The following GSK3A variants were observed in gnomAD, a reference collection of about 807,000 sequenced individuals.
The protein encoded by GSK3A is glycogen synthase kinase 3 alpha, also known as glycogen synthase kinase-3 alpha.
A neutral mutation model predicts 56.6 loss-of-function variants in GSK3A; 14 were observed. The ratio of observed to expected loss-of-function variants is 0.25; its 90% CI spans 0.16 to 0.39. The LOEUF (loss-of-function observed/expected upper bound fraction) is 0.39, where lower values mean the gene tolerates loss of function less well. Ranked by LOEUF, GSK3A falls within the 10% of genes least tolerant of loss-of-function variation. The pLI, the probability that GSK3A is intolerant of heterozygous loss-of-function variation, is 1.00. For missense variants in GSK3A, 450 were observed against 656.0 expected, an observed-to-expected ratio of 0.69 and a Z score of 3.43; for synonymous variants, 301 against 285.0, an observed-to-expected ratio of 1.06 and a Z score of -0.56.
chr19:42,242,487 C>A lies in GSK3A; in HGVS notation c.-22G>T. 1 of 1,140,210 alleles carries A rather than the reference C, an allele frequency of 8.8e-7. No homozygotes were observed. Among genetic ancestry groups the A allele is most frequent in the Non-Finnish European group, 1.1e-6 (1 of 932,808 alleles). 70.6% of individuals were successfully genotyped at this position (1,140,210 alleles called of 1,614,324 possible). A position where few individuals can be genotyped will look rare whatever the true frequency, so the allele number is the denominator to read the frequency against. ...TCATGGCGCCGAGCACAGGCCCAGG[C>A]TGCGGGGCTCGGGCTGCCCGGGCTG... On this transcript the variant is annotated 5_prime_UTR_variant, in exon 1 of 11. Coordinates refer to ENST00000222330, the MANE Select transcript of GSK3A (RefSeq NM_019884.3).
Position 42,242,479 on chromosome 19 carries a change from G to C in GSK3A, c.-14C>G. The C allele has an allele frequency of 8.6e-7, 1 of 1,162,570 alleles. No individual in the cohort carries two copies. Among genetic ancestry groups the C allele is most frequent in the Non-Finnish European group, 1.1e-6 (1 of 946,856 alleles). The allele number at this position is 1,162,570 out of a possible 1,614,324, so 72.0% of individuals were successfully genotyped here. ...GCCGCCGCTCATGGCGCCGAGCACAGGCCCAGGCTGCGGGGCTCGGGCTGC... is the reference window on the plus strand; with the variant it reads ...GCCGCCGCTCATGGCGCCGAGCACACGCCCAGGCTGCGGGGCTCGGGCTGC... On this transcript the variant is annotated 5_prime_UTR_variant, in exon 1 of 11. Coordinates refer to ENST00000222330, the MANE Select transcript of GSK3A (RefSeq NM_019884.3).
chr19:42,234,818 C>T lies in GSK3A; in HGVS notation c.667-140G>A. The T allele has an allele frequency of 9.5e-6, 8 of 845,998 alleles. No individual in the cohort carries two copies. In the South Asian group the frequency reaches 1.6e-4, roughly 17 times the overall value. The allele number at this position is 845,998 out of a possible 1,614,324, so 52.4% of individuals were successfully genotyped here. A position where few individuals can be genotyped will look rare whatever the true frequency, so the allele number is the denominator to read the frequency against. The stretch of plus-strand genomic sequence containing the variant: ...AGCTTTGGGGAAACCCATTTGAAAC[C>T]TTGGTTCTCTTAATGTGCACCACAA... On this transcript the variant is annotated intron_variant, in intron 4 of 10. Transcript: ENST00000222330. The surrounding 1 kb of genome is among the most constrained non-coding windows in gnomAD (Gnocchi z 5.7).
chr19:42,237,054 A>G, intron 2 of GSK3A, 113 bp from the exon 3 acceptor site: 2 of 763,132 alleles, frequency 2.6e-6, no homozygotes, highest in Non-Finnish European at 2.4e-6. Context: ...CCCAGCTCCA[A>G]GGTCCCCTGG....
Position 42,232,099 on chromosome 19 carries a change from T to G in GSK3A, c.1336A>C (p.Arg446=). The G allele has an allele frequency of 6.2e-7, 1 of 1,609,542 alleles. No individual in the cohort carries two copies. The highest frequency in any genetic ancestry group is 8.5e-7 in the Non-Finnish European group (1 of 1,177,170). The part of the protein sequence containing the change: ...LNAILIPPHL[R]SPAGTTTLTP... ...AGGGTGGTAGTGCCCGCTGGGGACCTCAAGTGAGGAGGGATGAGAATGGCG... is the reference window on the plus strand; with the variant it reads ...AGGGTGGTAGTGCCCGCTGGGGACCGCAAGTGAGGAGGGATGAGAATGGCG... The change falls in exon 10 of 11, where the codon AGG becomes CGG. Residue 446 remains arginine, a synonymous_variant. Transcript: ENST00000222330.
chr19:42,234,319 G>A lies in GSK3A; in HGVS notation c.904+34C>T, dbSNP rs976079367. On this transcript the variant is annotated intron_variant, in intron 6 of 10. Coordinates refer to ENST00000222330, the MANE Select transcript of GSK3A (RefSeq NM_019884.3). The surrounding 1 kb of genome is among the most constrained non-coding windows in gnomAD (Gnocchi z 5.7). ...AGAAAACTCCAAAACTTCCCAGATT[G>A]CCACTCCCCCCGCCACCCTCCCATA... 2.7e-6 allele frequency: 4 copies of A among 1,506,142 alleles called. No individual in the cohort carries two copies. The allele number at this position is 1,506,142 out of a possible 1,614,324, so 93.3% of individuals were successfully genotyped here.
chr19:42,235,938 C>G (rs566362745), intron 4 of GSK3A, among the ~76,000 whole-genome samples: 1 of 152,326 alleles, frequency 6.6e-6, no homozygotes, highest in Admixed American at 6.5e-5. Context: ...CTCACCCGTG[C>G]TTGGTACGTA....
chr19:42,242,304 C>A lies in GSK3A; in HGVS notation c.162G>T (p.Gly54=). ...GGTGGGKASV[G]AMGGGVGASS... ...AGGCCCCGACGCCCCCACCCATGGC[C>A]CCGACAGATGCCTTTCCGCCGCCGG... Residue 54 remains glycine (G), a synonymous_variant, in exon 1 of 11, where the codon GGG becomes GGT. Transcript: ENST00000222330. 1 of 1,443,118 alleles carries A rather than the reference C, an allele frequency of 6.9e-7. No individual in the cohort carries two copies. Among genetic ancestry groups the A allele is most frequent in the Non-Finnish European group, 9.1e-7 (1 of 1,104,706 alleles). 89.4% of individuals were successfully genotyped at this position (1,443,118 alleles called of 1,614,324 possible).
chr19:42,234,748 T>G lies in GSK3A; in HGVS notation c.667-70A>C. On this transcript the variant is annotated intron_variant, in intron 4 of 10. Transcript: ENST00000222330. This position sits in a 1 kb window ranked among gnomAD's most constrained non-coding sequence, Gnocchi z 5.7. ...ATACAGCACCACTACCCCACCAGCT[T>G]GGCCTGAAGAGCCCTTCCAGGCCCA... 6.9e-7 allele frequency: 1 copy of G among 1,444,902 alleles called. No individual in the cohort carries two copies. The highest frequency in any genetic ancestry group is 9.2e-7 in the Non-Finnish European group (1 of 1,090,136). 89.5% of individuals were successfully genotyped at this position (1,444,902 alleles called of 1,614,324 possible).
At chr19:42,236,403 G>A (rs1344465212) in intron 4 of GSK3A, among the ~76,000 whole-genome samples, 2 of 152,122 alleles carry the variant, frequency 1.3e-5, no homozygotes, top group Non-Finnish European at 1.5e-5. Context: ...CTGCCTTCCT[G>A]ATTCAGTCAG....
chr19:42,235,040 T>C (rs970399802), intron 4 of GSK3A, among the ~76,000 whole-genome samples: 74 of 151,988 alleles, frequency 4.9e-4, no homozygotes, highest in African/African-American at 1.8e-3. Context: ...GGCAGAAGAA[T>C]CACTTGAACT....
chr19:42,230,892 G>C (rs746190347), intron 10 of GSK3A, 25 bp from the exon 11 acceptor site: 5 of 1,522,912 alleles, frequency 3.3e-6, no homozygotes, highest in South Asian at 1.2e-5. Flanking sequence ...GGAAGGAGCA[G>C]AGTTAGCCTT....
At chr19:42,240,416 T>G (rs1212961804) in intron 1 of GSK3A, 1 of 580,674 alleles carries the variant, frequency 1.7e-6, no homozygotes, top group East Asian at 2.8e-5. Flanking sequence ...AAATTTCTAC[T>G]TCTAGGAAGC....
At chr19:42,231,611 T>TA (rs762741724) in intron 10 of GSK3A, among the ~76,000 whole-genome samples, 1 of 151,670 alleles carries the variant, frequency 6.6e-6, no homozygotes, top group East Asian at 1.9e-4. Flanking sequence ...TCATCTCTAG[T>TA]AAAAATACAA....
chr19:42,238,961 T>C (rs1039043671), intron 2 of GSK3A, among the ~76,000 whole-genome samples: 1 of 150,324 alleles, frequency 6.7e-6, no homozygotes, highest in African/African-American at 2.5e-5. Context: ...AGAGTAAGAC[T>C]CCATCTCAAA....
At position 42,230,686 on chromosome 19, in the gene GSK3A, CTCTAG is replaced by C. The variant is rs574921160; in HGVS notation, c.*103_*107del. The C allele has an allele frequency of 2.0e-4, 160 of 808,066 alleles. 1 individual carries two copies. In the East Asian group the frequency reaches 3.6e-3, roughly 18 times the overall value. The allele number at this position is 808,066 out of a possible 1,614,324, so 50.1% of individuals were successfully genotyped here. ...GGACAGGGACTCATTTACCTCTGCC[CTCTAG>C]TCTAGGGGCCCAGCCAGGGCAGGAG... On this transcript the variant is annotated 3_prime_UTR_variant, in exon 11 of 11. Transcript: ENST00000222330.
At chr19:42,242,108 G>T (rs1179941504) in intron 1 of GSK3A, 75 bp downstream of exon 1, 1 of 1,232,492 alleles carries the variant, frequency 8.1e-7, no homozygotes, top group Non-Finnish European at 1.0e-6. Flanking sequence ...CTAAGCACAT[G>T]AAAGAATCTG....
intron 6 of GSK3A, 40 bp from the exon 7 acceptor site, chr19:42,233,423 G>C (rs758988066): frequency 7.5e-7 from 1 of 1,327,240 alleles, no homozygotes; most frequent in East Asian, 2.5e-5. Context: ...TAGGCGAGTA[G>C]GGCCACCAAC....
intron 4 of GSK3A, among the ~76,000 whole-genome samples, chr19:42,235,680 T>G (rs1320285434): frequency 6.6e-6 from 1 of 152,174 alleles, no homozygotes; most frequent in Non-Finnish European, 1.5e-5. Context: ...TTTCCAGAAT[T>G]CCCTGTGCTC....
At chr19:42,238,915 G>T (rs1250850594) in intron 2 of GSK3A, among the ~76,000 whole-genome samples, 1 of 150,936 alleles carries the variant, frequency 6.6e-6, no homozygotes, top group Non-Finnish European at 1.5e-5. Context: ...GTTGTAGCGG[G>T]CCAAGATCGT....
Sources: allele counts gnomAD v4.1 joint callset (sites outside exome capture counted in the v4.1 genomes callset), GRCh38; gene constraint gnomAD v4.1.1; non-coding constraint Gnocchi (gnomAD v3.1); transcripts MANE v1.5; gene names NCBI Gene and HGNC (gene_info 2026-07-23, HGNC 2026-07-21).